Variants in MYO9A observed in about 807,000 individuals in gnomAD.
MYO9A encodes the protein myosin IXA, also known as unconventional myosin-IXa.
MYO9A carries 103 observed loss-of-function variants against 293.3 expected under a neutral mutation model. That is an observed-to-expected ratio of 0.35 (90% CI 0.30 to 0.41). The LOEUF is 0.41. Among genes scored for constraint, MYO9A ranks in the 10% least tolerant of loss-of-function variants. MYO9A has a pLI of 1.00. For missense variants in MYO9A, 2,685 were observed against 3,033.0 expected, an observed-to-expected ratio of 0.89 and a Z score of 2.69; for synonymous variants, 1,001 against 1,035.7, an observed-to-expected ratio of 0.97 and a Z score of 0.64.
intron 12 of MYO9A, among the ~76,000 whole-genome samples, chr15:71,973,069 T>C (rs2957737): frequency 0.71 from 107,527 of 152,052 alleles, 38,565 homozygotes; most frequent in Non-Finnish European, 0.76. Context: ...TGTTGGTCCT[T>C]GAAGCTGGAT....
At chr15:71,871,531 C>T (rs1424349205) in intron 32 of MYO9A, among the ~76,000 whole-genome samples, 1 of 151,540 alleles carries the variant, frequency 6.6e-6, no homozygotes, top group Non-Finnish European at 1.5e-5. Flanking sequence ...CCCATCTCTA[C>T]AAAAAATACA....
At chr15:71,865,191 A>C (rs2056282912) in intron 32 of MYO9A, among the ~76,000 whole-genome samples, 1 of 152,176 alleles carries the variant, frequency 6.6e-6, no homozygotes, top group African/African-American at 2.4e-5. Flanking sequence ...CCAAAATTTG[A>C]ATTTTTGCTT....
chr15:71,953,808 T>C (rs2059113975), intron 14 of MYO9A: 1 of 152,266 alleles, frequency 6.6e-6, no homozygotes, highest in Non-Finnish European at 1.5e-5. Context: ...CCAAGGTAGT[T>C]TGGTTTCCCA....
chr15:71,953,183 A>T (rs2059093884), intron 14 of MYO9A, among the ~76,000 whole-genome samples: 1 of 152,256 alleles, frequency 6.6e-6, no homozygotes, highest in African/African-American at 2.4e-5. Context: ...CAAGCTTAAC[A>T]TCATTTCTTA....
rs2057473223 is a variant in MYO9A at position 71,901,196 on chromosome 15, T to C, written c.3145A>G (p.Ile1049Val). The C allele has an allele frequency of 6.2e-7, 1 of 1,611,038 alleles. No homozygotes were observed. Among genetic ancestry groups the C allele is most frequent in the East Asian group, 2.2e-5 (1 of 44,780 alleles). ...AAGAATCCTTTGCTTCTCACCTGGATAATAACAGATGCTTGTCTCAGATGG... is the reference window on the plus strand; with the variant it reads ...AAGAATCCTTTGCTTCTCACCTGGACAATAACAGATGCTTGTCTCAGATGG... Reference protein sequence around the residue: ...FLHLRQASVIIQRFWRNYLNQ... With the variant: ...FLHLRQASVIVQRFWRNYLNQ... The change falls in exon 23 of 42, where the codon ATC (isoleucine) becomes GTC (valine). Residue 1049 changes from isoleucine to valine, a missense_variant. Ile to Val is a conservative substitution (Grantham distance 29, BLOSUM62 3). Around this residue, in one of 10 missense-constraint regions of MYO9A, gnomAD observed 1,434 missense variants for 1,497.7 expected, o/e 0.96. Transcript: ENST00000356056.
At chr15:72,107,571 T>C (rs1348763713) in intron 1 of MYO9A, among the ~76,000 whole-genome samples, 1 of 151,894 alleles carries the variant, frequency 6.6e-6, no homozygotes, top group Non-Finnish European at 1.5e-5. Flanking sequence ...AATATTTTTT[T>C]TAATTAAATA....
At chr15:72,079,415 TA>T (rs1381520025) in intron 1 of MYO9A, among the ~76,000 whole-genome samples, 1 of 152,128 alleles carries the variant, frequency 6.6e-6, no homozygotes, top group Non-Finnish European at 1.5e-5. Flanking sequence ...TATTGTAAAT[TA>T]AAACTTAATT....
At chr15:71,987,502 C>G (rs1256975907) in intron 11 of MYO9A, among the ~76,000 whole-genome samples, 1 of 152,174 alleles carries the variant, frequency 6.6e-6, no homozygotes, top group Non-Finnish European at 1.5e-5. Flanking sequence ...AGCTTCAGCT[C>G]ACTATTTGAA....
Position 72,046,165 on chromosome 15 carries a change from C to G in MYO9A, c.399G>C (p.Arg133Ser), listed in dbSNP as rs777357463. Residue 133 changes from arginine to serine, a missense_variant, in exon 2 of 42, where the codon AGG becomes AGC. By Grantham distance (110) the Arg-to-Ser change is moderately radical (BLOSUM62 -1). This residue lies in a region of MYO9A where 63 missense variants were observed against 57.9 expected (regional missense o/e 1.09). Transcript: ENST00000356056. ...GTGGAAGAAAACCCCGTTCCATCAT[C>G]CTGCGACGTTCTTCTGTTACCCGTA... ...SWLRVTEERR[R>S]MMERGFLPQP... 1.7e-5 allele frequency: 27 copies of G among 1,614,164 alleles called. 1 individual carries two copies. In the South Asian group the frequency reaches 2.6e-4, roughly 16 times the overall value.
intron 1 of MYO9A, among the ~76,000 whole-genome samples, chr15:72,073,544 C>A (rs1416319771): frequency 1.3e-5 from 2 of 152,236 alleles, no homozygotes; most frequent in South Asian, 2.1e-4. Flanking sequence ...TTAAAAAGAG[C>A]CACACTTTGA....
chr15:71,848,851 T>G lies in MYO9A; in HGVS notation c.6831A>C (p.Arg2277Ser), dbSNP rs2055505467. 6.2e-7 allele frequency: 1 copy of G among 1,602,844 alleles called. No homozygotes were observed. The highest frequency in any genetic ancestry group is 8.5e-7 in the Non-Finnish European group (1 of 1,177,298). The stretch of plus-strand genomic sequence containing the variant: ...TCCATGTGTTGCATCTTACCATTGA[T>G]CTACGAATCAGTGACAACCTGGTCT... ...KAKTRLSLIRRSMGKGRIRRG... is the reference protein window; with the variant it reads ...KAKTRLSLIRSSMGKGRIRRG... Residue 2277 changes from arginine (R) to serine (S), a missense_variant, in exon 39 of 42, where the codon AGA becomes AGC. This residue lies in a region of MYO9A where 350 missense variants were observed against 328.9 expected (regional missense o/e 1.06). Coordinates refer to ENST00000356056, the MANE Select transcript of MYO9A (RefSeq NM_006901.4).
intron 5 of MYO9A, among the ~76,000 whole-genome samples, chr15:72,019,530 A>C (rs1596392799): frequency 6.6e-6 from 1 of 152,276 alleles, no homozygotes; most frequent in South Asian, 2.1e-4. Context: ...GGAGGAAAAA[A>C]CTCAGAAGCT....
intron 6 of MYO9A, among the ~76,000 whole-genome samples, chr15:72,018,657 C>T (rs1294680648): frequency 6.6e-6 from 1 of 151,772 alleles, no homozygotes; most frequent in East Asian, 1.9e-4. Context: ...ATAATTACTA[C>T]TCATAGTATG....
intron 21 of MYO9A, among the ~76,000 whole-genome samples, chr15:71,903,724 A>C (rs1057463610): frequency 8.5e-5 from 13 of 152,234 alleles, no homozygotes; most frequent in Non-Finnish European, 1.6e-4. Flanking sequence ...CAAGTACTGG[A>C]TTCTATTACA....
chr15:72,092,878 A>G (rs1230842672), intron 1 of MYO9A, among the ~76,000 whole-genome samples: 1 of 151,942 alleles, frequency 6.6e-6, no homozygotes, highest in Non-Finnish European at 1.5e-5. Flanking sequence ...TAACAACAAG[A>G]CACACACCAC....
At chr15:72,111,016 G>A (rs925277534) in intron 1 of MYO9A, among the ~76,000 whole-genome samples, 10 of 151,956 alleles carry the variant, frequency 6.6e-5, no homozygotes, top group South Asian at 4.1e-4. Context: ...AAAATTAGCC[G>A]GGAGTGGTGG....
upstream of MYO9A, chr15:72,118,376 G>C (rs967376501): frequency 6.1e-6 from 1 of 164,282 alleles, no homozygotes; most frequent in South Asian, 2.0e-4. Flanking sequence ...GGTTGGGGAC[G>C]AAACCTCTGA....
chr15:71,910,908 G>A (rs1001864178), intron 19 of MYO9A, among the ~76,000 whole-genome samples: 1 of 151,530 alleles, frequency 6.6e-6, no homozygotes, highest in African/African-American at 2.4e-5. Context: ...TGACTTTTTT[G>A]GTTTAAAGTT....
chr15:71,893,148 A>G, intron 26 of MYO9A: 1 of 1,284,162 alleles, frequency 7.8e-7, no homozygotes, highest in Non-Finnish European at 1.0e-6. Context: ...GCGCCATTCG[A>G]GCTTTCTTTT....
Sources: allele counts gnomAD v4.1 joint callset (sites outside exome capture counted in the v4.1 genomes callset), GRCh38; gene constraint gnomAD v4.1.1; regional missense constraint gnomAD v4.1.1; transcripts MANE v1.5; gene names NCBI Gene and HGNC (gene_info 2026-07-23, HGNC 2026-07-21).